Variants in EHBP1 observed in about 807,000 individuals in gnomAD.
EHBP1 encodes EH domain binding protein 1.
Under a neutral mutation model 144.0 loss-of-function variants are expected in EHBP1, and 55 were observed. The ratio of observed to expected loss-of-function variants is 0.38; its 90% CI spans 0.31 to 0.48. The LOEUF (loss-of-function observed/expected upper bound fraction) is 0.48. Ranked by LOEUF, EHBP1 falls within the 20% of genes least tolerant of loss-of-function variation. The pLI is 0.98. For synonymous variants in EHBP1, 469 were observed against 472.7 expected, an observed-to-expected ratio of 0.99 and a Z score of 0.10; for missense variants, 1,200 against 1,364.2, an observed-to-expected ratio of 0.88 and a Z score of 1.90.
intron 9 of EHBP1, among the ~76,000 whole-genome samples, chr2:62,873,089 G>T (rs1189069894): frequency 6.6e-6 from 1 of 152,094 alleles, no homozygotes; most frequent in East Asian, 1.9e-4. Flanking sequence ...TCTGAAGAGA[G>T]GCACTCTTAA....
At chr2:62,703,239 C>A (rs546864388), upstream of EHBP1, among the ~76,000 whole-genome samples, 4 of 151,274 alleles carry the variant, frequency 2.6e-5, no homozygotes, top group Non-Finnish European at 5.9e-5. Context: ...TGGTAGCATG[C>A]GACTGTAGTC....
intron 2 of EHBP1, among the ~76,000 whole-genome samples, chr2:62,742,573 G>T (rs1183239894): frequency 3.9e-5 from 6 of 152,090 alleles, no homozygotes; most frequent in Non-Finnish European, 8.8e-5. Flanking sequence ...GGTCTGGCCA[G>T]CCCATACTGG....
chr2:63,016,073 G>A (rs189580854), intron 19 of EHBP1, among the ~76,000 whole-genome samples: 1 of 152,080 alleles, frequency 6.6e-6, no homozygotes, highest in African/African-American at 2.4e-5. Flanking sequence ...AAAATTTATA[G>A]AGTACTGAAT....
At chr2:62,799,295 T>C (rs1315492500) in intron 5 of EHBP1, among the ~76,000 whole-genome samples, 2 of 152,240 alleles carry the variant, frequency 1.3e-5, no homozygotes, top group Admixed American at 6.5e-5. Context: ...ATTTTAACAG[T>C]ATTTGCTGAT....
intron 7 of EHBP1, among the ~76,000 whole-genome samples, chr2:62,850,143 G>A (rs888977263): frequency 3.3e-4 from 50 of 152,166 alleles, no homozygotes; most frequent in African/African-American, 1.1e-3. Flanking sequence ...GTTTAAGCCT[G>A]TGGAGAAAGT....
At chr2:62,900,489 T>C (rs2053309112) in intron 10 of EHBP1, among the ~76,000 whole-genome samples, 1 of 151,800 alleles carries the variant, frequency 6.6e-6, no homozygotes, top group African/African-American at 2.4e-5. Flanking sequence ...GGTGTGGTGG[T>C]GCATGCCTGT....
chr2:62,679,954 G>T (rs550818262), intron 1 of EHBP1, among the ~76,000 whole-genome samples: 1 of 152,300 alleles, frequency 6.6e-6, no homozygotes, highest in South Asian at 2.1e-4. Flanking sequence ...TATCTAGAGC[G>T]TACTTAGCAT....
chr2:62,709,235 A>G (rs1451851721), intron 2 of EHBP1, among the ~76,000 whole-genome samples: 4 of 152,038 alleles, frequency 2.6e-5, no homozygotes, highest in Non-Finnish European at 5.9e-5. Flanking sequence ...AATGGGTAGG[A>G]TTTGGTGGTC....
At chr2:62,674,926 CAGCCAAGTCTTAAG>C (rs1283173515) in intron 1 of EHBP1, among the ~76,000 whole-genome samples, 1 of 152,184 alleles carries the variant, frequency 6.6e-6, no homozygotes, top group Non-Finnish European at 1.5e-5. Flanking sequence ...CCACCATACC[CAGCCAAGTCTTAAG>C]AGCCTTCTGC....
intron 2 of EHBP1, among the ~76,000 whole-genome samples, chr2:62,730,607 ATCTTTT>A (rs1243923887): frequency 2.0e-5 from 3 of 151,988 alleles, no homozygotes; most frequent in Non-Finnish European, 2.9e-5. Flanking sequence ...TGCTCTAAAC[ATCTTTT>A]TCTTTTTTTT....
intron 10 of EHBP1, among the ~76,000 whole-genome samples, chr2:62,916,327 C>T (rs1010405368): frequency 6.6e-6 from 1 of 152,078 alleles, no homozygotes; most frequent in Non-Finnish European, 1.5e-5. Flanking sequence ...TGCAGTGGCT[C>T]ACACCTGTAA....
At chr2:62,860,769 A>C (rs1366036757) in intron 8 of EHBP1, among the ~76,000 whole-genome samples, 1 of 152,158 alleles carries the variant, frequency 6.6e-6, no homozygotes, top group Non-Finnish European at 1.5e-5. Context: ...AAGTTTTCTA[A>C]ATGTAAGTCT....
intron 5 of EHBP1, among the ~76,000 whole-genome samples, chr2:62,813,043 T>A (rs1198383016): frequency 6.6e-6 from 1 of 152,198 alleles, no homozygotes; most frequent in Non-Finnish European, 1.5e-5. Context: ...AGCAGTTTGA[T>A]ATTCCAGGCT....
At chr2:62,719,701 G>T (rs2036026739) in intron 2 of EHBP1, among the ~76,000 whole-genome samples, 1 of 152,144 alleles carries the variant, frequency 6.6e-6, no homozygotes, top group South Asian at 2.1e-4. Flanking sequence ...AAAAAATACA[G>T]TATAAAACAA....
intron 19 of EHBP1, among the ~76,000 whole-genome samples, chr2:63,032,704 T>C (rs552286843): frequency 1.3e-5 from 2 of 152,216 alleles, no homozygotes; most frequent in East Asian, 3.9e-4. Context: ...GGAAGAACTT[T>C]GGTGAAGTTG....
chr2:62,859,816 A>G (rs749203218), intron 8 of EHBP1, among the ~76,000 whole-genome samples: 1 of 152,156 alleles, frequency 6.6e-6, no homozygotes, highest in Non-Finnish European at 1.5e-5. Flanking sequence ...TTCCTGAGTC[A>G]CTTTTCTTAT....
At chr2:62,788,528 A>G (rs1301555172) in intron 5 of EHBP1, among the ~76,000 whole-genome samples, 1 of 152,126 alleles carries the variant, frequency 6.6e-6, no homozygotes, top group African/African-American at 2.4e-5. Context: ...AACTTAAAAT[A>G]ACCCTGTTTC....
Position 62,789,308 on chromosome 2 carries a change from A to G in EHBP1, c.312+17916A>G, listed in dbSNP as rs150572008. Among the ~76,000 whole-genome samples the G allele has an allele frequency of 5.4e-4, 82 of 152,334 alleles. 1 individual carries two copies. Among genetic ancestry groups the G allele is most frequent in the South Asian group, 2.1e-3 (10 of 4,820 alleles). The stretch of plus-strand genomic sequence containing the variant: ...ACCTTGGAATTCCTAACTTGGTAAA[A>G]TATTACAAAGTTGCTTCATCTATTT... On this transcript the variant is annotated intron_variant, in intron 5 of 22. Coordinates refer to ENST00000431489, the MANE Select transcript of EHBP1 (RefSeq NM_001142616.3).
chr2:62,835,381 C>G (rs972099008), intron 7 of EHBP1, among the ~76,000 whole-genome samples: 7 of 152,110 alleles, frequency 4.6e-5, no homozygotes, highest in African/African-American at 7.2e-5. Context: ...GGTATATAAC[C>G]TAGTTTCATT....
Sources: allele counts gnomAD v4.1 joint callset (sites outside exome capture counted in the v4.1 genomes callset), GRCh38; gene constraint gnomAD v4.1.1; transcripts MANE v1.5; gene names NCBI Gene and HGNC (gene_info 2026-07-23, HGNC 2026-07-21).